Variants in CCDC178 observed in about 807,000 individuals in gnomAD.
The protein encoded by CCDC178 is coiled-coil domain containing 178.
Under a neutral mutation model 117.4 loss-of-function variants are expected in CCDC178, and 126 were observed. The observed-to-expected ratio is 1.07, with a 90% CI of 0.93 to 1.24. CCDC178 has a LOEUF of 1.24. Ranked by LOEUF, CCDC178 falls within the 50% of genes most tolerant of loss-of-function variation. CCDC178 has a pLI of 0.00. For missense variants in CCDC178, 1,030 were observed against 986.9 expected (o/e 1.04, Z -0.59); for synonymous variants, 283 against 313.4 (o/e 0.90, Z 1.02).
In CCDC178 at chr18:33,313,025, A is replaced by G. The variant is rs186428808; in HGVS notation, c.1022+10466T>C. ...AACAGAGGAGGGCAGGTTATCCTATAGTCTCTCTCACAGGTGTAAAAGCTG... is the reference window on the plus strand; with the variant it reads ...AACAGAGGAGGGCAGGTTATCCTATGGTCTCTCTCACAGGTGTAAAAGCTG... On this transcript the variant is annotated intron_variant, in intron 11 of 22. Coordinates refer to ENST00000383096, the MANE Select transcript of CCDC178 (RefSeq NM_001105528.4). Among the ~76,000 whole-genome samples, 915 of 152,302 alleles carry G rather than the reference A, an allele frequency of 6.0e-3. 5 individuals carry two copies. The highest frequency in any genetic ancestry group is 0.017 in the Admixed American group (264 of 15,298).
chr18:33,323,558 C>G lies in CCDC178; in HGVS notation c.955G>C (p.Ala319Pro), dbSNP rs752309545. 6.3e-7 allele frequency: 1 copy of G among 1,575,382 alleles called. No individual in the cohort carries two copies. Among genetic ancestry groups the G allele is most frequent in the Non-Finnish European group, 8.6e-7 (1 of 1,159,758 alleles). ...LEACENARLK[A>P]QQIKEEIDKD... ...TCAATCTCTTCTTTAATTTGCTGAG[C>G]CTTCAATCTGGCATTTTCACAGGCT... Residue 319 changes from alanine (A) to proline (P), a missense_variant, in exon 11 of 23, where the codon GCT (alanine) becomes CCT (proline). Physicochemically the swap from Ala to Pro is conservative, Grantham distance 27. Transcript: ENST00000383096.
At chr18:32,975,257 A>G (rs879664366) in intron 21 of CCDC178, among the ~76,000 whole-genome samples, 9 of 152,200 alleles carry the variant, frequency 5.9e-5, no homozygotes, top group Non-Finnish European at 1.3e-4. Context: ...ATTTCCAGCT[A>G]GAACTCCCTA....
intron 20 of CCDC178, among the ~76,000 whole-genome samples, chr18:33,148,681 C>T (rs545571677): frequency 2.3e-4 from 35 of 152,184 alleles, no homozygotes; most frequent in South Asian, 1.7e-3. Flanking sequence ...AGGTGTCATG[C>T]GACTGAGGAT....
chr18:32,981,570 T>C (rs994926652), intron 21 of CCDC178, among the ~76,000 whole-genome samples: 3 of 152,230 alleles, frequency 2.0e-5, no homozygotes, highest in Non-Finnish European at 4.4e-5. Flanking sequence ...GTGACATCTC[T>C]GCAAGAAAGG....
intron 16 of CCDC178, among the ~76,000 whole-genome samples, chr18:33,226,486 A>G (rs893487766): frequency 2.0e-5 from 3 of 152,262 alleles, no homozygotes; most frequent in African/African-American, 7.2e-5. Context: ...TAAAGAAAAC[A>G]TAACATCACC....
At position 33,317,968 on chromosome 18, in the gene CCDC178, G is replaced by A. The variant is rs58190457; in HGVS notation, c.1022+5523C>T. The stretch of plus-strand genomic sequence containing the variant: ...AATGGAATGAGCACCCAGCAGCACC[G>A]TGACCATTGCCAATCCTCATGAAAC... On this transcript the variant is annotated intron_variant, in intron 11 of 22. Coordinates refer to ENST00000383096, the MANE Select transcript of CCDC178 (RefSeq NM_001105528.4). Among the ~76,000 whole-genome samples, 660 of 152,126 alleles carry A rather than the reference G, an allele frequency of 4.3e-3. 2 individuals carry two copies. The highest frequency in any genetic ancestry group is 0.015 in the African/African-American group (628 of 41,516).
intron 9 of CCDC178, among the ~76,000 whole-genome samples, chr18:33,342,435 A>G (rs2062828752): frequency 6.6e-6 from 1 of 152,210 alleles, no homozygotes; most frequent in South Asian, 2.1e-4. Context: ...TTCTTATCAT[A>G]TAGATTCTTG....
intron 15 of CCDC178, among the ~76,000 whole-genome samples, chr18:33,229,279 T>C (rs2059344059): frequency 6.6e-6 from 1 of 152,150 alleles, no homozygotes; most frequent in Non-Finnish European, 1.5e-5. Context: ...ATCATTCTAT[T>C]TTTATTGGTC....
At position 33,408,717 on chromosome 18, in the gene CCDC178, T is replaced by C. The variant is rs140834955; in HGVS notation, c.58+3314A>G. Reference sequence around the variant, plus strand: ...ATCAAAACACTATTCTGTAAAAAAATTCATTCTCTGCCTGTTATACAGAAA... The same window carrying C: ...ATCAAAACACTATTCTGTAAAAAAACTCATTCTCTGCCTGTTATACAGAAA... On this transcript the variant is annotated intron_variant, in intron 3 of 22. Transcript: ENST00000383096. 1.8e-3 allele frequency among the ~76,000 whole-genome samples: 273 copies of C among 152,268 alleles called. 2 individuals are homozygous for C. Among genetic ancestry groups the C allele is most frequent in the East Asian group, 0.011 (55 of 5,180 alleles).
At chr18:33,172,265 C>A (rs556261026) in intron 20 of CCDC178, among the ~76,000 whole-genome samples, 3 of 152,206 alleles carry the variant, frequency 2.0e-5, no homozygotes, top group Non-Finnish European at 1.5e-5. Flanking sequence ...TCTGAATATA[C>A]CTGTCCTTGA....
chr18:33,374,941 T>C (rs1195523794), intron 5 of CCDC178, among the ~76,000 whole-genome samples: 1 of 152,156 alleles, frequency 6.6e-6, no homozygotes, highest in African/African-American at 2.4e-5. Context: ...ATACTGGAGT[T>C]GTGGGAGTGA....
chr18:32,956,032 C>CTACTT (rs540145713), intron 22 of CCDC178, among the ~76,000 whole-genome samples: 48 of 152,278 alleles, frequency 3.2e-4, no homozygotes, highest in African/African-American at 1.1e-3. Context: ...ATAACTAACA[C>CTACTT]TACACATTTT....
chr18:32,946,560 C>T (rs2054353212), intron 22 of CCDC178, among the ~76,000 whole-genome samples: 1 of 152,110 alleles, frequency 6.6e-6, no homozygotes, highest in African/African-American at 2.4e-5. Context: ...AAATCACATG[C>T]TCCCCAAGGA....
chr18:33,336,095 T>C (rs1397032067), intron 9 of CCDC178, among the ~76,000 whole-genome samples: 1 of 152,122 alleles, frequency 6.6e-6, no homozygotes, highest in Non-Finnish European at 1.5e-5. Flanking sequence ...GGATCAAAAA[T>C]CTATTTGAGA....
At chr18:33,245,172 G>T in intron 15 of CCDC178, 73 bp downstream of exon 15, 1 of 1,285,614 alleles carries the variant, frequency 7.8e-7, no homozygotes, top group Non-Finnish European at 1.0e-6. Flanking sequence ...TAATTATCAA[G>T]ATGAAATCGA....
chr18:33,008,793 C>T (rs923808539), intron 21 of CCDC178, among the ~76,000 whole-genome samples: 1 of 151,966 alleles, frequency 6.6e-6, no homozygotes, highest in Non-Finnish European at 1.5e-5. Context: ...CTCATTTAGT[C>T]TAATGATTGC....
Position 33,354,591 on chromosome 18 carries a change from T to G in CCDC178, c.371+1733A>C, listed in dbSNP as rs114671848. On this transcript the variant is annotated intron_variant, in intron 7 of 22. Transcript: ENST00000383096. The stretch of plus-strand genomic sequence containing the variant: ...GTGAAGTTTTTAATTTCAGTTAGTT[T>G]ATTTTTCAGTTCCAGAATTTTTTTT... 3.2e-3 allele frequency among the ~76,000 whole-genome samples: 492 copies of G among 152,016 alleles called. 5 individuals are homozygous for G. Among genetic ancestry groups the G allele is most frequent in the African/African-American group, 0.011 (477 of 41,480 alleles).
At chr18:33,231,874 C>A (rs1484716363) in intron 15 of CCDC178, among the ~76,000 whole-genome samples, 1 of 152,184 alleles carries the variant, frequency 6.6e-6, no homozygotes, top group South Asian at 2.1e-4. Flanking sequence ...GAGAGAGCAG[C>A]CTCTTCCATG....
chr18:33,417,463 G>A (rs1225007742), intron 2 of CCDC178, among the ~76,000 whole-genome samples: 3 of 151,794 alleles, frequency 2.0e-5, no homozygotes, highest in African/African-American at 4.8e-5. Flanking sequence ...GGAATGCTGT[G>A]GTGGGGTAAG....
Sources: allele counts gnomAD v4.1 joint callset (sites outside exome capture counted in the v4.1 genomes callset), GRCh38; gene constraint gnomAD v4.1.1; transcripts MANE v1.5; gene names NCBI Gene and HGNC (gene_info 2026-07-23, HGNC 2026-07-21).